The following TTN variants were observed in gnomAD, a reference collection of about 807,000 sequenced individuals.
TTN encodes titin.
A neutral mutation model predicts 3,223.0 loss-of-function variants in TTN; 1,525 were observed. The ratio of observed to expected loss-of-function variants is 0.47; its 90% CI spans 0.45 to 0.49. The LOEUF (loss-of-function observed/expected upper bound fraction) is 0.49, where lower values mean the gene tolerates loss of function less well. TTN is among the 20% of genes least tolerant of loss of function. The pLI is 0.00. For missense variants in TTN, 40,786 were observed against 43,424.0 expected, an observed-to-expected ratio of 0.94 and a Z score of 5.40; for synonymous variants, 14,094 against 15,161.0, an observed-to-expected ratio of 0.93 and a Z score of 5.17.
At chr2:178,638,776 A>T (rs1288620322) in intron 223 of TTN, among the ~76,000 whole-genome samples, 3 of 151,832 alleles carry the variant, frequency 2.0e-5, no homozygotes, top group Non-Finnish European at 2.9e-5. Context: ...TTTCTTTTTT[A>T]AAAAAATAAT....
rs557560382 is a variant in TTN at position 178,726,074 on chromosome 2, T to C, written c.20276-28A>G. ...GCAAAAAACAAGAATTTCTCATGAATTGGGCTACTGAATTTCACAAAATGA... is the reference window on the plus strand; with the variant it reads ...GCAAAAAACAAGAATTTCTCATGAACTGGGCTACTGAATTTCACAAAATGA... On this transcript the variant is annotated intron_variant, in intron 69 of 362. Transcript: ENST00000589042. 125 of 1,499,934 alleles carry C rather than the reference T, an allele frequency of 8.3e-5. 2 individuals carry two copies. In the South Asian group the frequency reaches 1.7e-3, roughly 20 times the overall value. 92.9% of individuals were successfully genotyped at this position (1,499,934 alleles called of 1,614,324 possible). A position where few individuals can be genotyped will look rare whatever the true frequency, so the allele number is the denominator to read the frequency against.
rs375726644 is a variant in TTN, at chr2:178,572,197, G to T, written c.73935C>A (p.Gly24645=). ...CCACAATGTAGCCTAGAATTCGGCTGCCTCCATCATGCTCTGGTTTCTCCC... is the reference window on the plus strand; with the variant it reads ...CCACAATGTAGCCTAGAATTCGGCTTCCTCCATCATGCTCTGGTTTCTCCC... The part of the protein sequence containing the change: ...LSWEKPEHDG[G]SRILGYIVEM... The change falls in exon 326 of 363, where the codon GGC becomes GGA. Residue 24645 remains glycine (G), a synonymous_variant. Coordinates refer to ENST00000589042, the MANE Select transcript of TTN (RefSeq NM_001267550.2). 4.9e-5 allele frequency: 79 copies of T among 1,613,292 alleles called. No homozygotes were observed. Among genetic ancestry groups the T allele is most frequent in the Non-Finnish European group, 3.9e-5 (46 of 1,179,620 alleles).
rs1060503939 is a variant in TTN, at chr2:178,713,904, C to T, written c.26754G>A (p.Gln8918=). The change falls in exon 92 of 363, where the codon CAG becomes CAA. Residue 8918 remains glutamine, a synonymous_variant. Coordinates refer to ENST00000589042, the MANE Select transcript of TTN (RefSeq NM_001267550.2). ...CCCAAGAAATCAACCAACCTGAAAC[C>T]TGCAATGAAGCTGTGCAGCTGTCTT... The part of the protein sequence containing the change: ...VGKDSCTASL[Q]VSDRTVPPSF... 6.2e-7 allele frequency: 1 copy of T among 1,612,726 alleles called. No individual in the cohort carries two copies. Among genetic ancestry groups the T allele is most frequent in the Non-Finnish European group, 8.5e-7 (1 of 1,179,110 alleles).
Position 178,545,872 on chromosome 2 carries a change from A to G in TTN, c.95364T>C (p.Tyr31788=), listed in dbSNP as rs752193341. 6 of 1,613,760 alleles carry G rather than the reference A, an allele frequency of 3.7e-6. No individual in the cohort carries two copies. The African/African-American group carries it at 8.0e-5, about 22-fold the overall frequency. Residue 31788 remains tyrosine, a synonymous_variant, in exon 343 of 363, where the codon TAT becomes TAC. Transcript: ENST00000589042. ...YIFRVRAVNK[Y]GPGVPVESEP... ...CTGATTCAACAGGCACACCAGGGCC[A>G]TATTTGTTTACTGCCCTCACTCGGA...
In TTN at chr2:178,572,019, C is replaced by T. The variant is rs755082167; in HGVS notation, c.74113G>A (p.Val24705Met). Residue 24705 changes from valine (V) to methionine (M), a missense_variant, in exon 326 of 363, where the codon GTG (valine) becomes ATG (methionine). Physicochemically the swap from Val to Met is conservative, Grantham distance 21. Coordinates refer to ENST00000589042, the MANE Select transcript of TTN (RefSeq NM_001267550.2). ...ACAAGATCTTTGGCGATCACTGGCA[C>T]ACTCAGTTGTCTAGGATCACTGATG... Reference protein sequence around the residue: ...KGISDPRQLSVPVIAKDLVIP... With the variant: ...KGISDPRQLSMPVIAKDLVIP... 1.2e-6 allele frequency: 2 copies of T among 1,613,226 alleles called. No individual in the cohort carries two copies. Among genetic ancestry groups the T allele is most frequent in the East Asian group, 2.2e-5 (1 of 44,670 alleles).
At chr2:178,789,849 C>T (rs2093396993) in intron 12 of TTN, 129 bp downstream of exon 12, 24 of 1,159,618 alleles carry the variant, frequency 2.1e-5, no homozygotes, top group South Asian at 1.3e-5. Context: ...CTCATATTTA[C>T]CATTTTGTTT....
At position 178,607,050 on chromosome 2, in the gene TTN, A is replaced by G. The variant is rs1458259896; in HGVS notation, c.53552T>C (p.Ile17851Thr). ...NKFGCGPPVE[I>T]GPILAVDPLG... ...TGGATCAACTGCAAGAATTGGTCCT[A>G]TTTCAACAGGAGGGCCACAGCCAAA... The change falls in exon 278 of 363, where the codon ATA (isoleucine) becomes ACA (threonine). Residue 17851 changes from isoleucine (I) to threonine (T), a missense_variant. Physicochemically the swap from Ile to Thr is moderately conservative, Grantham distance 89. Coordinates refer to ENST00000589042, the MANE Select transcript of TTN (RefSeq NM_001267550.2). The G allele has an allele frequency of 2.5e-6, 4 of 1,611,514 alleles. No individual in the cohort carries two copies. Among genetic ancestry groups the G allele is most frequent in the Middle Eastern group, 1.7e-4 (1 of 6,046 alleles).
chr2:178,634,312 G>A lies in TTN; in HGVS notation c.42415+54C>T. The A allele has an allele frequency of 6.4e-7, 1 of 1,566,996 alleles. No individual in the cohort carries two copies. The highest frequency in any genetic ancestry group is 8.6e-7 in the Non-Finnish European group (1 of 1,166,280). ...TAGAACTTGGCGTCCTATCTTTAAA[G>A]TCATATATTTGCATGCCTTTATGGG... On this transcript the variant is annotated intron_variant, in intron 230 of 362. Transcript: ENST00000589042. The surrounding 1 kb of genome is among the most constrained non-coding windows in gnomAD (Gnocchi z 4.6).
In TTN at chr2:178,730,960, CCAA is replaced by C. The variant is rs754522453; in HGVS notation, c.17702_17704del (p.Val5901del). The C allele has an allele frequency of 1.2e-6, 2 of 1,611,174 alleles. No individual in the cohort carries two copies. Among genetic ancestry groups the C allele is most frequent in the Non-Finnish European group, 1.7e-6 (2 of 1,178,208 alleles). The stretch of plus-strand genomic sequence containing the variant: ...AATTCTAGCCTTGCAGCTGCTCCTC[CCAA>C]CATCATTTTGGACCTCGAAAGTATA... On this transcript the variant is annotated inframe_deletion, in exon 60 of 363. Coordinates refer to ENST00000589042, the MANE Select transcript of TTN (RefSeq NM_001267550.2).
At chr2:178,725,047 T>C (rs2079098976) in intron 71 of TTN, 3 of 275,160 alleles carry the variant, frequency 1.1e-5, no homozygotes, top group Admixed American at 1.0e-4. Context: ...TTTGGAGTTC[T>C]TGTTAGTTTT....
rs769905776 is a variant in TTN, at chr2:178,561,543, T to C, written c.84589A>G (p.Ser28197Gly). Residue 28197 changes from serine (S) to glycine (G), a missense_variant, in exon 326 of 363, where the codon AGC becomes GGC. Physicochemically the swap from Ser to Gly is moderately conservative, Grantham distance 56. Coordinates refer to ENST00000589042, the MANE Select transcript of TTN (RefSeq NM_001267550.2). ...IGYHLEYKER[S>G]SILWSKANKI... The stretch of plus-strand genomic sequence containing the variant: ...TTTGCTTTTGACCAAAGAATGCTGC[T>C]TCTTTCTTTATACTCAAGATGATAG... 3.7e-6 allele frequency: 6 copies of C among 1,613,248 alleles called. No individual in the cohort carries two copies. Among genetic ancestry groups the C allele is most frequent in the Non-Finnish European group, 5.1e-6 (6 of 1,179,560 alleles).
At chr2:178,551,504 GA>G (rs1699418471) in intron 335 of TTN, 125 bp downstream of exon 335, 1 of 872,090 alleles carries the variant, frequency 1.1e-6, no homozygotes, top group African/African-American at 1.7e-5. Flanking sequence ...TGCTTTACAT[GA>G]CCAGTTCTCT....
At chr2:178,626,808 T>G (rs2059120878) in intron 240 of TTN, among the ~76,000 whole-genome samples, 2 of 151,930 alleles carry the variant, frequency 1.3e-5, no homozygotes, top group South Asian at 4.1e-4. Context: ...TTTGAAAAGG[T>G]GTCTCAGTTT....
In TTN at chr2:178,608,276, T is replaced by C. The variant is rs776023005; in HGVS notation, c.52607A>G (p.Glu17536Gly). ...TACTCTGAAGACATAGGTGAGTCCT[T>C]CTAATAAGCCATCTACATTGGCTTT... ...ALKANVDGLL[E>G]GLTYVFRVCA... The change falls in exon 275 of 363, where the codon GAA becomes GGA. Residue 17536 changes from glutamate (E) to glycine (G), a missense_variant. Glu to Gly is a moderately conservative substitution (Grantham distance 98). Transcript: ENST00000589042. 6.2e-7 allele frequency: 1 copy of C among 1,611,924 alleles called. No homozygotes were observed. The highest frequency in any genetic ancestry group is 8.5e-7 in the Non-Finnish European group (1 of 1,178,934).
rs114091943 is a variant in TTN at position 178,605,778 on chromosome 2, C to T, written c.53582-65G>A. On this transcript the variant is annotated intron_variant, in intron 278 of 362. Coordinates refer to ENST00000589042, the MANE Select transcript of TTN (RefSeq NM_001267550.2). ...AATATTCATGTAAGAAATAATATTT[C>T]ACTTCAACTTAATTATGTAAAAAAT... 1,397 of 1,266,998 alleles carry T rather than the reference C, an allele frequency of 1.1e-3. 15 individuals are homozygous for T. In the African/African-American group the frequency reaches 0.019, roughly 17 times the overall value. 78.5% of individuals were successfully genotyped at this position (1,266,998 alleles called of 1,614,324 possible).
In TTN at chr2:178,562,064, T is replaced by C; in HGVS notation, c.84068A>G (p.Lys28023Arg). 1 of 1,613,356 alleles carries C rather than the reference T, an allele frequency of 6.2e-7. No homozygotes were observed. The highest frequency in any genetic ancestry group is 8.5e-7 in the Non-Finnish European group (1 of 1,179,614). ...TCCAACATCTTCCTTTGAAGCTTCC[T>C]TAATAGATAGTGATGTTACAGTCTT... ...SSKTVTSLSI[K>R]EASKEDVGTY... is the part of the protein sequence containing the mutation. The change falls in exon 326 of 363, where the codon AAG becomes AGG. Residue 28023 changes from lysine (K) to arginine (R), a missense_variant. Lys to Arg is a conservative substitution (Grantham distance 26). Transcript: ENST00000589042.
Position 178,633,271 on chromosome 2 carries a change from T to G in TTN, c.43002A>C (p.Glu14334Asp), listed in dbSNP as rs794729237. The G allele has an allele frequency of 3.1e-6, 5 of 1,613,358 alleles. No homozygotes were observed. The highest frequency in any genetic ancestry group is 3.3e-4 in the Middle Eastern group (2 of 6,050). Residue 14334 changes from glutamate to aspartate, a missense_variant, in exon 233 of 363, where the codon GAA becomes GAC. Glu to Asp is a conservative substitution (Grantham distance 45). Transcript: ENST00000589042. ...AAAGTTCAATTTCAAAGTGGGCTGTTTCACCAACAAACACCTCTACTCCGT... is the reference window on the plus strand; with the variant it reads ...AAAGTTCAATTTCAAAGTGGGCTGTGTCACCAACAAACACCTCTACTCCGT... ...PLYGVEVFVG[E>D]TAHFEIELSE...
At chr2:178,778,090 A>G in intron 24 of TTN, 115 bp from the exon 25 acceptor site, 1 of 1,336,480 alleles carries the variant, frequency 7.5e-7, no homozygotes. Flanking sequence ...TCTTGCACGT[A>G]TTAGAAGGCA....
rs2056387870 is a variant in TTN at position 178,611,860 on chromosome 2, T to A, written c.50449A>T (p.Ile16817Phe). Residue 16817 changes from isoleucine to phenylalanine, a missense_variant, in exon 268 of 363, where the codon ATC becomes TTC. Ile to Phe is a conservative substitution (Grantham distance 21). Transcript: ENST00000589042. ...PDCNFRVTDV[I>F]EGTEVQFQVR... ...TGAAACTGGACCTCTGTTCCTTCGATGACATCAGTTACTCTGAAGTTACAG... is the reference window on the plus strand; with the variant it reads ...TGAAACTGGACCTCTGTTCCTTCGAAGACATCAGTTACTCTGAAGTTACAG... 1.2e-6 allele frequency: 2 copies of A among 1,612,982 alleles called. No homozygotes were observed. Among genetic ancestry groups the A allele is most frequent in the Non-Finnish European group, 1.7e-6 (2 of 1,179,306 alleles).
Sources: gnomAD v4.1 joint callset for allele counts (sites outside exome capture counted in the v4.1 genomes callset) on GRCh38, gnomAD v4.1.1 for gene constraint, Gnocchi (gnomAD v3.1) non-coding constraint, MANE v1.5 for transcripts, NCBI Gene and HGNC (gene_info 2026-07-23, HGNC 2026-07-21) for gene names.